TVP23A: variants seen among roughly 807,000 people sequenced by gnomAD.
The protein encoded by TVP23A is Golgi apparatus membrane protein TVP23 homolog A.
A neutral mutation model predicts 31.7 loss-of-function variants in TVP23A; 21 were observed. The observed-to-expected ratio is 0.66, with a 90% confidence interval of 0.47 to 0.95. The LOEUF (loss-of-function observed/expected upper bound fraction) is 0.95. TVP23A is among the 40% of genes least tolerant of loss of function. TVP23A has a pLI of 0.00. For synonymous variants in TVP23A, 104 were observed against 96.0 expected, an observed-to-expected ratio of 1.08 and a Z score of -0.49; for missense variants, 279 against 255.6, an observed-to-expected ratio of 1.09 and a Z score of -0.62.
intron 2 of TVP23A, among the ~76,000 whole-genome samples, chr16:10,787,322 C>T (rs1284458240): frequency 2.0e-5 from 3 of 152,172 alleles, no homozygotes; most frequent in Non-Finnish European, 4.4e-5. Context: ...CAATAAAGAG[C>T]AGCCTGTAAA....
At chr16:10,809,554 A>G (rs947474801) in intron 2 of TVP23A, among the ~76,000 whole-genome samples, 1 of 152,254 alleles carries the variant, frequency 6.6e-6, no homozygotes, top group Non-Finnish European at 1.5e-5. Flanking sequence ...TTGCAGTAGT[A>G]GAGCAAAAGG....
chr16:10,761,928 C>G (rs2029976443), downstream of TVP23A: 1 of 1,227,014 alleles, frequency 8.1e-7, no homozygotes. Context: ...TCGGGCACAA[C>G]AGGGGGCGGC....
Position 10,818,041 on chromosome 16 carries a change from T to C in TVP23A, c.89+62A>G. 7.4e-7 allele frequency: 1 copy of C among 1,356,072 alleles called. No individual in the cohort carries two copies. Among genetic ancestry groups the C allele is most frequent in the Non-Finnish European group, 1.0e-6 (1 of 965,754 alleles). 84.0% of individuals were successfully genotyped at this position (1,356,072 alleles called of 1,614,324 possible). A position where few individuals can be genotyped will look rare whatever the true frequency, so the allele number is the denominator to read the frequency against. On this transcript the variant is annotated intron_variant, in intron 2 of 7. Coordinates refer to ENST00000299866, the MANE Select transcript of TVP23A (RefSeq NM_001079512.4). The surrounding 1 kb of genome is among the most constrained non-coding windows in gnomAD (Gnocchi z 4.7). ...GCTCAATATATTTTGAATGAATGAG[T>C]GAGTAAATGAATGAATTTGCAGCTT...
intron 2 of TVP23A, among the ~76,000 whole-genome samples, chr16:10,815,476 C>A (rs1423847397): frequency 6.6e-5 from 10 of 152,140 alleles, no homozygotes; most frequent in Non-Finnish European, 8.8e-5. Flanking sequence ...TATGCCTACT[C>A]CCACCCTGCA....
intron 2 of TVP23A, among the ~76,000 whole-genome samples, chr16:10,783,161 G>A (rs1382202607): frequency 6.6e-6 from 1 of 152,156 alleles, no homozygotes; most frequent in Non-Finnish European, 1.5e-5. Context: ...GACTACATGT[G>A]TGTAAAAATT....
At chr16:10,805,795 C>T (rs535308313) in intron 2 of TVP23A, among the ~76,000 whole-genome samples, 144 of 151,820 alleles carry the variant, frequency 9.5e-4, no homozygotes, top group African/African-American at 3.3e-3. Flanking sequence ...TCTCTGTGGT[C>T]CCTAGAACTG....
downstream of TVP23A, among the ~76,000 whole-genome samples, chr16:10,760,686 A>G (rs565291663): frequency 3.6e-4 from 55 of 152,144 alleles, no homozygotes; most frequent in Non-Finnish European, 7.5e-4. Context: ...GCAGTGAGCA[A>G]TGATTATGCC....
chr16:10,801,514 T>C (rs1273024131), intron 2 of TVP23A, among the ~76,000 whole-genome samples: 1 of 152,126 alleles, frequency 6.6e-6, no homozygotes, highest in African/African-American at 2.4e-5. Context: ...TGGAGTGCAG[T>C]GGCGCGATCT....
chr16:10,816,715 T>G lies in TVP23A; in HGVS notation c.89+1388A>C, dbSNP rs563353391. Among the ~76,000 whole-genome samples the G allele has an allele frequency of 2.6e-3, 389 of 151,890 alleles. 2 individuals are homozygous for G. Among genetic ancestry groups the G allele is most frequent in the African/African-American group, 9.1e-3 (379 of 41,428 alleles). ...CTAAATGCCAACACAATAGTCCTTATAAGAAAGAGGCACGGGGGAAGTGGG... is the reference window on the plus strand; with the variant it reads ...CTAAATGCCAACACAATAGTCCTTAGAAGAAAGAGGCACGGGGGAAGTGGG... On this transcript the variant is annotated intron_variant, in intron 2 of 7. Coordinates refer to ENST00000299866, the MANE Select transcript of TVP23A (RefSeq NM_001079512.4).
rs986993218 is a variant in TVP23A at position 10,777,557 on chromosome 16, G to A, written c.90-2461C>T. Among the ~76,000 whole-genome samples, 1 of 151,910 alleles carries A rather than the reference G, an allele frequency of 6.6e-6. No individual in the cohort carries two copies. The highest frequency in any genetic ancestry group is 1.5e-5 in the Non-Finnish European group (1 of 68,016). ...CAACTGTGGGGCTTCCGACTCCCAG[G>A]GGAATGTTAAGATTCAGAAGCAGAC... On this transcript the variant is annotated intron_variant, in intron 2 of 7. Transcript: ENST00000299866. The surrounding 1 kb of genome is among the most constrained non-coding windows in gnomAD (Gnocchi z 4.5).
downstream of TVP23A, chr16:10,761,935 C>A: frequency 1.7e-6 from 2 of 1,166,698 alleles, no homozygotes. Context: ...CAACAGGGGG[C>A]GGCTACAGAG....
intron 2 of TVP23A, among the ~76,000 whole-genome samples, chr16:10,815,447 G>A (rs188310938): frequency 1.3e-5 from 2 of 152,032 alleles, no homozygotes; most frequent in Non-Finnish European, 2.9e-5. Flanking sequence ...CAAAAATACT[G>A]AGTTGTAATA....
chr16:10,798,638 C>T (rs931800185), intron 2 of TVP23A, among the ~76,000 whole-genome samples: 6 of 150,368 alleles, frequency 4.0e-5, no homozygotes, highest in East Asian at 3.9e-4. Flanking sequence ...AGGTTATCAA[C>T]GACATGGCAG....
chr16:10,793,153 G>A (rs951751245), intron 2 of TVP23A, among the ~76,000 whole-genome samples: 12 of 152,094 alleles, frequency 7.9e-5, no homozygotes, highest in Admixed American at 6.6e-5. Context: ...GCCAGGCATC[G>A]TGGCACGCAC....
At position 10,800,113 on chromosome 16, in the gene TVP23A, T is replaced by A. The variant is rs188937394; in HGVS notation, c.89+17990A>T. Among the ~76,000 whole-genome samples the A allele has an allele frequency of 3.5e-3, 533 of 152,038 alleles. 6 individuals carry two copies. Among genetic ancestry groups the A allele is most frequent in the Middle Eastern group, 0.01 (3 of 294 alleles). On this transcript the variant is annotated intron_variant, in intron 2 of 7. Transcript: ENST00000299866. The stretch of plus-strand genomic sequence containing the variant: ...TTTAATTGAAAACAATTTTTTTTTT[T>A]AGAAACAGGGTCTTGCTATATTGTC...
At chr16:10,815,373 C>G (rs1298550170) in intron 2 of TVP23A, among the ~76,000 whole-genome samples, 1 of 152,216 alleles carries the variant, frequency 6.6e-6, no homozygotes, top group Non-Finnish European at 1.5e-5. Context: ...GATTGCACCA[C>G]TGTGCTCCAG....
At position 10,767,647 on chromosome 16, in the gene TVP23A, T is replaced by A; in HGVS notation, c.*1455A>T. 1 of 427,116 alleles carries A rather than the reference T, an allele frequency of 2.3e-6. No homozygotes were observed. The highest frequency in any genetic ancestry group is 4.1e-6 in the Non-Finnish European group (1 of 241,802). 26.5% of individuals were successfully genotyped at this position (427,116 alleles called of 1,614,324 possible). A position where few individuals can be genotyped will look rare whatever the true frequency, so the allele number is the denominator to read the frequency against. On this transcript the variant is annotated 3_prime_UTR_variant, in exon 8 of 8. Transcript: ENST00000299866. This position sits in a 1 kb window ranked among gnomAD's most constrained non-coding sequence, Gnocchi z 4.6. ...CATGATCCTTTCACTCAAAAGCTAA[T>A]CTCTTAAAATGCAGACTCCTGGGCC...
Position 10,818,380 on chromosome 16 carries a change from C to A in TVP23A, c.9+105G>T, listed in dbSNP as rs946781962. On this transcript the variant is annotated intron_variant, in intron 1 of 7. Coordinates refer to ENST00000299866, the MANE Select transcript of TVP23A (RefSeq NM_001079512.4). This position sits in a 1 kb window ranked among gnomAD's most constrained non-coding sequence, Gnocchi z 4.7. Reference sequence around the variant, plus strand: ...TCCCGACCACCGGGTGCAGCCCAGCCCCAGGCCCCGGCGCATCCCTCCTCC... The same window carrying A: ...TCCCGACCACCGGGTGCAGCCCAGCACCAGGCCCCGGCGCATCCCTCCTCC... 2 of 1,510,304 alleles carry A rather than the reference C, an allele frequency of 1.3e-6. No homozygotes were observed. Among genetic ancestry groups the A allele is most frequent in the Middle Eastern group, 3.6e-4 (2 of 5,598 alleles). 93.6% of individuals were successfully genotyped at this position (1,510,304 alleles called of 1,614,324 possible).
At chr16:10,809,787 G>A (rs4780998) in intron 2 of TVP23A, among the ~76,000 whole-genome samples, 4,223 of 152,124 alleles carry the variant, frequency 0.028, 162 homozygotes, top group East Asian at 0.16. Flanking sequence ...GCATCCCAAG[G>A]CAGCTGGAAA....
Sources: gnomAD v4.1 joint callset for allele counts (sites outside exome capture counted in the v4.1 genomes callset) on GRCh38, gnomAD v4.1.1 for gene constraint, Gnocchi (gnomAD v3.1) non-coding constraint, MANE v1.5 for transcripts, NCBI Gene and HGNC (gene_info 2026-07-23, HGNC 2026-07-21) for gene names.